Variants in STPG4 observed in about 807,000 individuals in gnomAD.
STPG4 encodes protein STPG4.
STPG4 carries 41 observed loss-of-function variants against 31.5 expected under a neutral mutation model. That is an observed-to-expected ratio of 1.30 (90% CI 1.01 to 1.69). The LOEUF (loss-of-function observed/expected upper bound fraction) is 1.69, where lower values mean the gene tolerates loss of function less well. STPG4 is among the 40% of genes most tolerant of loss of function. The pLI, the probability that STPG4 is intolerant of heterozygous loss-of-function variation, is 0.00. For synonymous variants in STPG4, 141 were observed against 103.0 expected, an observed-to-expected ratio of 1.37 and a Z score of -2.24; for missense variants, 375 against 293.4, an observed-to-expected ratio of 1.28 and a Z score of -2.03.
At chr2:47,102,429 T>A (rs1573155217) in intron 5 of STPG4, among the ~76,000 whole-genome samples, 1 of 151,758 alleles carries the variant, frequency 6.6e-6, no homozygotes, top group Non-Finnish European at 1.5e-5. Context: ...CCCAGTATTC[T>A]CTCTCTGATG....
At chr2:47,100,340 C>G (rs571478501) in intron 5 of STPG4, among the ~76,000 whole-genome samples, 39 of 149,314 alleles carry the variant, frequency 2.6e-4, no homozygotes, top group Non-Finnish European at 5.5e-4. Context: ...TGCACCAATC[C>G]ACACTCTGTA....
intron 5 of STPG4, among the ~76,000 whole-genome samples, chr2:47,094,637 T>C (rs1487474453): frequency 6.6e-6 from 1 of 151,630 alleles, no homozygotes; most frequent in East Asian, 1.9e-4. Flanking sequence ...GGGGCTGGGG[T>C]GGTGCTGAGC....
At chr2:47,097,640 G>T (rs931083950) in intron 5 of STPG4, among the ~76,000 whole-genome samples, 1 of 152,122 alleles carries the variant, frequency 6.6e-6, no homozygotes, top group Admixed American at 6.5e-5. Context: ...TATGAGGAAG[G>T]GGCCCTCATC....
chr2:47,148,399 C>T (rs532521346), intron 3 of STPG4, among the ~76,000 whole-genome samples: 1 of 151,806 alleles, frequency 6.6e-6, no homozygotes, highest in South Asian at 2.1e-4. Flanking sequence ...GGGTAACAAA[C>T]CTGCACATGT....
chr2:47,151,566 C>A, intron 2 of STPG4, 51 bp from the exon 3 acceptor site: 1 of 1,512,216 alleles, frequency 6.6e-7, no homozygotes, highest in South Asian at 1.2e-5. Flanking sequence ...GTAACTTCTC[C>A]TAAAACACCA....
chr2:47,090,211 C>T (rs1685540531), intron 6 of STPG4, 59 bp downstream of exon 6: 25 of 1,217,362 alleles, frequency 2.1e-5, no homozygotes, highest in South Asian at 1.7e-4. Flanking sequence ...AAACAGAAAA[C>T]CTACCACCAT....
At chr2:47,121,085 C>G (rs1288944553) in intron 5 of STPG4, 4 of 154,236 alleles carry the variant, frequency 2.6e-5, no homozygotes, top group African/African-American at 7.2e-5. Flanking sequence ...CTGATTTGCT[C>G]CACAGAACAC....
At chr2:47,091,229 A>G (rs1685564309) in intron 5 of STPG4, among the ~76,000 whole-genome samples, 1 of 152,128 alleles carries the variant, frequency 6.6e-6, no homozygotes, top group Non-Finnish European at 1.5e-5. Flanking sequence ...AAGCACAAGC[A>G]CTCCTTATGA....
intron 6 of STPG4, among the ~76,000 whole-genome samples, chr2:47,089,215 C>T (rs940494611): frequency 2.0e-5 from 3 of 152,234 alleles, no homozygotes; most frequent in Non-Finnish European, 2.9e-5. Context: ...CTCCGACAAA[C>T]ATGTTTCTGG....
chr2:47,104,816 C>T (rs905508549), intron 5 of STPG4, among the ~76,000 whole-genome samples: 1 of 151,944 alleles, frequency 6.6e-6, no homozygotes, highest in Non-Finnish European at 1.5e-5. Context: ...GTGTCTAGGT[C>T]GAAGGCCCAG....
intron 5 of STPG4, among the ~76,000 whole-genome samples, chr2:47,098,432 G>T (rs914915778): frequency 1.3e-5 from 2 of 152,212 alleles, no homozygotes; most frequent in African/African-American, 4.8e-5. Context: ...TAGCGTTTCA[G>T]CTGTGGGAGC....
intron 5 of STPG4, among the ~76,000 whole-genome samples, chr2:47,112,813 G>A (rs1686069070): frequency 6.6e-6 from 1 of 151,838 alleles, no homozygotes; most frequent in South Asian, 2.1e-4. Flanking sequence ...TACCAGCCTG[G>A]GCAACATAGT....
intron 6 of STPG4, among the ~76,000 whole-genome samples, 158 bp downstream of exon 6, chr2:47,090,112 T>G (rs1685538778): frequency 6.6e-6 from 1 of 152,210 alleles, no homozygotes; most frequent in Admixed American, 6.5e-5. Context: ...CACTCCTGAT[T>G]GCCTTGACAG....
Position 47,137,598 on chromosome 2 carries a change from C to T in STPG4, c.400-7338G>A, listed in dbSNP as rs111541410. Among the ~76,000 whole-genome samples, 300 of 152,220 alleles carry T rather than the reference C, an allele frequency of 2.0e-3. 1 individual carries two copies. The highest frequency in any genetic ancestry group is 5.4e-3 in the African/African-American group (224 of 41,524). On this transcript the variant is annotated intron_variant, in intron 3 of 6. Coordinates refer to ENST00000445927, the MANE Select transcript of STPG4 (RefSeq NM_001163561.2). ...ATATTTGATAGAATTCACCTGTGAACGCATCTGGGCCTAGCAATGTCTATT... is the reference window on the plus strand; with the variant it reads ...ATATTTGATAGAATTCACCTGTGAATGCATCTGGGCCTAGCAATGTCTATT...
intron 5 of STPG4, among the ~76,000 whole-genome samples, chr2:47,101,154 C>G (rs774313795): frequency 2.0e-5 from 3 of 151,730 alleles, no homozygotes; most frequent in Non-Finnish European, 4.4e-5. Context: ...GGCTAAATAC[C>G]GGGCACCTGT....
In STPG4 at chr2:47,134,485, C is replaced by G. The variant is rs369228864; in HGVS notation, c.400-4225G>C. ...AGCCTTTTCAGATTGGCTTCTTTCA[C>G]TTCGTGATATGCATTTATGTTTCCT... On this transcript the variant is annotated intron_variant, in intron 3 of 6. Coordinates refer to ENST00000445927, the MANE Select transcript of STPG4 (RefSeq NM_001163561.2). Among the ~76,000 whole-genome samples the G allele has an allele frequency of 3.6e-4, 55 of 152,332 alleles. No individual in the cohort carries two copies. The South Asian group carries it at 0.011, about 29-fold the overall frequency.
At chr2:47,111,057 G>T (rs1686026821) in intron 5 of STPG4, among the ~76,000 whole-genome samples, 1 of 152,026 alleles carries the variant, frequency 6.6e-6, no homozygotes, top group South Asian at 2.1e-4. Context: ...ACTTTAGGAG[G>T]GTTTTCTTAA....
At position 47,090,368 on chromosome 2, in the gene STPG4, C is replaced by T. The variant is rs563888326; in HGVS notation, c.526G>A (p.Gly176Ser). The T allele has an allele frequency of 1.3e-6, 2 of 1,548,846 alleles. No individual in the cohort carries two copies. Among genetic ancestry groups the T allele is most frequent in the Middle Eastern group, 1.7e-4 (1 of 5,990 alleles). ...FPTTYFIPHEGPGPGHYNVKM... is the reference protein window; with the variant it reads ...FPTTYFIPHESPGPGHYNVKM... ...ACATTATAATGACCTGGACCAGGGC[C>T]TTCATGCTATTGAACATTTAAAAAA... Residue 176 changes from glycine (G) to serine (S), a missense_variant, in exon 6 of 7, where the codon GGC becomes AGC. Coordinates refer to ENST00000445927, the MANE Select transcript of STPG4 (RefSeq NM_001163561.2).
At chr2:47,091,260 C>T (rs1212472858) in intron 5 of STPG4, among the ~76,000 whole-genome samples, 1 of 152,156 alleles carries the variant, frequency 6.6e-6, no homozygotes, top group Non-Finnish European at 1.5e-5. Flanking sequence ...AGCATAAATT[C>T]GCTCAGCCTT....
Sources: gnomAD v4.1 joint callset for allele counts (sites outside exome capture counted in the v4.1 genomes callset) on GRCh38, gnomAD v4.1.1 for gene constraint, MANE v1.5 for transcripts, NCBI Gene and HGNC (gene_info 2026-07-23, HGNC 2026-07-21) for gene names.